The following TATDN2 variants were observed in gnomAD, a reference collection of about 807,000 sequenced individuals.
TATDN2 encodes TatD DNase domain containing 2, also known as 3'-5' RNA nuclease TATDN2.
TATDN2 carries 44 observed loss-of-function variants against 60.3 expected under a neutral mutation model. The observed-to-expected ratio is 0.73, with a 90% CI of 0.57 to 0.94. TATDN2 has a LOEUF of 0.94. TATDN2 is among the 40% of genes least tolerant of loss of function. TATDN2 has a pLI of 0.00. For synonymous variants in TATDN2, 399 were observed against 355.8 expected (o/e 1.12, Z -1.37); for missense variants, 997 against 948.0 (o/e 1.05, Z -0.68).
chr3:10,278,665 C>T lies in TATDN2; in HGVS notation c.2145+203C>T. ...TGAAGGGTAACCACTCTCTTCCAGG[C>T]AGTGCAAAGCCCTACCCTGTAGAGG... is the stretch of plus-strand genomic sequence containing the variant. On this transcript the variant is annotated intron_variant, in intron 6 of 7. Coordinates refer to ENST00000448281, the MANE Select transcript of TATDN2 (RefSeq NM_014760.4). The surrounding 1 kb of genome is among the most constrained non-coding windows in gnomAD (Gnocchi z 4.7). The T allele has an allele frequency of 1.0e-6, 1 of 966,166 alleles. No individual in the cohort carries two copies. The highest frequency in any genetic ancestry group is 1.6e-6 in the Non-Finnish European group (1 of 624,224). The allele number at this position is 966,166 out of a possible 1,614,324, so 59.8% of individuals were successfully genotyped here.
chr3:10,257,119 A>T (rs1261430184), intron 2 of TATDN2, among the ~76,000 whole-genome samples: 3 of 118,968 alleles, frequency 2.5e-5, no homozygotes, highest in Admixed American at 1.5e-4. Context: ...TCTACTAAAA[A>T]TACCAAAAAA....
At position 10,270,315 on chromosome 3, in the gene TATDN2, C is replaced by T; in HGVS notation, c.1133C>T (p.Pro378Leu). The change falls in exon 4 of 8, where the codon CCT (proline) becomes CTT (leucine). Residue 378 changes from proline (P) to leucine (L), a missense_variant. Pro to Leu is a moderately conservative substitution (Grantham distance 98). Coordinates refer to ENST00000448281, the MANE Select transcript of TATDN2 (RefSeq NM_014760.4). ...TACCCTCCTCATTTGTACAGTAGTC[C>T]TTGGTGTGACTACGCCAGCTATTGG... ...VMYPPHLYSS[P>L]WCDYASYWTS... is the part of the protein sequence containing the mutation. 1 of 1,614,170 alleles carries T rather than the reference C, an allele frequency of 6.2e-7. No individual in the cohort carries two copies. The highest frequency in any genetic ancestry group is 8.5e-7 in the Non-Finnish European group (1 of 1,180,034).
At chr3:10,249,748 C>T (rs1157933285) in intron 2 of TATDN2, 134 bp downstream of exon 2, 7 of 1,080,148 alleles carry the variant, frequency 6.5e-6, no homozygotes, top group Non-Finnish European at 8.5e-6. Context: ...TCTAGAAGTC[C>T]ACTCCCCCCA....
In TATDN2 at chr3:10,265,895, A is replaced by G. The variant is rs557837582; in HGVS notation, c.949-4236A>G. Among the ~76,000 whole-genome samples, 33 of 151,698 alleles carry G rather than the reference A, an allele frequency of 2.2e-4. No homozygotes were observed. The South Asian group carries it at 5.0e-3, about 23-fold the overall frequency. ...TCTTGACAGACTTCAGCTAATTCCT[A>G]TTTTCATCTGCGGCTTCACCCTCAC... On this transcript the variant is annotated intron_variant, in intron 3 of 7. Coordinates refer to ENST00000448281, the MANE Select transcript of TATDN2 (RefSeq NM_014760.4).
In TATDN2 at chr3:10,249,389, G is replaced by A. The variant is rs1237979368; in HGVS notation, c.189G>A (p.Val63=). Residue 63 remains valine, a synonymous_variant, in exon 2 of 8, where the codon GTG becomes GTA. Coordinates refer to ENST00000448281, the MANE Select transcript of TATDN2 (RefSeq NM_014760.4). ...TGAAAGCCCAGAAGGAGGACGATGT[G>A]GCTTGCTCGCGGAGGTTATCCTGGG... The part of the protein sequence containing the change: ...KRLKAQKEDD[V]ACSRRLSWGS... 2 of 1,613,240 alleles carry A rather than the reference G, an allele frequency of 1.2e-6. No homozygotes were observed. Among genetic ancestry groups the A allele is most frequent in the Admixed American group, 1.7e-5 (1 of 59,948 alleles).
chr3:10,270,706 G>A lies in TATDN2; in HGVS notation c.1524G>A (p.Lys508=). Residue 508 remains lysine (K), a synonymous_variant, in exon 4 of 8, where the codon AAG becomes AAA. Transcript: ENST00000448281. ...THCHLDMLYS[K]LSFQGTFTKF... ...GTCACCTGGACATGCTCTATTCCAA[G>A]CTATCTTTCCAAGGGACCTTTACAA... 6.2e-7 allele frequency: 1 copy of A among 1,614,218 alleles called. No individual in the cohort carries two copies. The highest frequency in any genetic ancestry group is 1.1e-5 in the South Asian group (1 of 91,090).
Position 10,251,854 on chromosome 3 carries a change from A to AT in TATDN2, c.414+2240_414+2241insT, listed in dbSNP as rs1698236321. The stretch of plus-strand genomic sequence containing the variant: ...GTGCCACCACACCCTGCAGATTAAA[A>AT]ATTTTTTTTTTGGGCTGGGCGTGGT... On this transcript the variant is annotated intron_variant, in intron 2 of 7. Coordinates refer to ENST00000448281, the MANE Select transcript of TATDN2 (RefSeq NM_014760.4). Among the ~76,000 whole-genome samples the AT allele has an allele frequency of 4.8e-5, 5 of 103,508 alleles. No individual in the cohort carries two copies. The East Asian group carries it at 3.8e-3, about 80-fold the overall frequency. The allele number at this position is 103,508 out of a possible 152,430, so 67.9% of individuals were successfully genotyped here. A position where few individuals can be genotyped will look rare whatever the true frequency, so the allele number is the denominator to read the frequency against.
intron 2 of TATDN2, among the ~76,000 whole-genome samples, chr3:10,252,240 T>A (rs1372471019): frequency 6.7e-6 from 1 of 148,384 alleles, no homozygotes; most frequent in Non-Finnish European, 1.5e-5. Context: ...GCTCAAGCTG[T>A]CCTCTTGCCT....
chr3:10,276,520 A>G, intron 5 of TATDN2, 32 bp downstream of exon 5: 1 of 1,607,746 alleles, frequency 6.2e-7, no homozygotes, highest in Non-Finnish European at 8.5e-7. Flanking sequence ...CGGGCAAATG[A>G]AAGAAACACT....
intron 2 of TATDN2, among the ~76,000 whole-genome samples, chr3:10,257,164 C>T (rs1698319525): frequency 1.3e-5 from 2 of 151,500 alleles, no homozygotes; most frequent in Admixed American, 1.3e-4. Flanking sequence ...TGCCTGTAAT[C>T]CCAGCTACTT....
chr3:10,277,497 A>G (rs1287894446), intron 5 of TATDN2, among the ~76,000 whole-genome samples: 1 of 152,116 alleles, frequency 6.6e-6, no homozygotes, highest in Non-Finnish European at 1.5e-5. Flanking sequence ...CTCCTTAAAG[A>G]TGGTTGAGAG....
rs1384698276 is a variant in TATDN2, at chr3:10,278,623, C to T, written c.2145+161C>T. The T allele has an allele frequency of 9.2e-7, 1 of 1,086,882 alleles. No individual in the cohort carries two copies. Among genetic ancestry groups the T allele is most frequent in the Non-Finnish European group, 1.4e-6 (1 of 725,560 alleles). The allele number at this position is 1,086,882 out of a possible 1,614,324, so 67.3% of individuals were successfully genotyped here. A position where few individuals can be genotyped will look rare whatever the true frequency, so the allele number is the denominator to read the frequency against. ...GCTGTTACTCTGCAGAACCAAAAGTCTAGGGGGCTGAGAAGCTGAAGGGTA... is the reference window on the plus strand; with the variant it reads ...GCTGTTACTCTGCAGAACCAAAAGTTTAGGGGGCTGAGAAGCTGAAGGGTA... On this transcript the variant is annotated intron_variant, in intron 6 of 7. Coordinates refer to ENST00000448281, the MANE Select transcript of TATDN2 (RefSeq NM_014760.4). This position sits in a 1 kb window ranked among gnomAD's most constrained non-coding sequence, Gnocchi z 4.7.
At chr3:10,274,160 A>G (rs1196557161) in intron 4 of TATDN2, among the ~76,000 whole-genome samples, 3 of 152,144 alleles carry the variant, frequency 2.0e-5, no homozygotes, top group Non-Finnish European at 4.4e-5. Flanking sequence ...GTTCCTGGTG[A>G]GGACAAATGC....
chr3:10,263,617 T>A (rs1698438056), intron 3 of TATDN2, among the ~76,000 whole-genome samples: 1 of 152,232 alleles, frequency 6.6e-6, no homozygotes, highest in Admixed American at 6.5e-5. Flanking sequence ...TCTTTTGTTT[T>A]TTAATAACAT....
intron 4 of TATDN2, among the ~76,000 whole-genome samples, chr3:10,271,832 G>A (rs995176334): frequency 1.3e-5 from 2 of 151,236 alleles, no homozygotes; most frequent in Admixed American, 6.6e-5. Flanking sequence ...GGGTTCAAGC[G>A]ATTCTCCTGC....
chr3:10,257,841 ATTTTTTT>A (rs553265148), intron 2 of TATDN2, among the ~76,000 whole-genome samples: 775 of 30,220 alleles, frequency 0.026, 3 homozygotes, highest in Non-Finnish European at 0.044. Flanking sequence ...AAGGTTTATG[ATTTTTTT>A]TTTTTTTTTT....
At chr3:10,255,263 C>G (rs115946673) in intron 2 of TATDN2, among the ~76,000 whole-genome samples, 2,144 of 152,072 alleles carry the variant, frequency 0.014, 44 homozygotes, top group African/African-American at 0.049. Context: ...ATCTGCCTGC[C>G]TCAGCCTCCC....
intron 4 of TATDN2, among the ~76,000 whole-genome samples, chr3:10,275,313 G>C (rs533928964): frequency 2.0e-5 from 3 of 152,266 alleles, no homozygotes; most frequent in African/African-American, 4.8e-5. Flanking sequence ...ACCTGGGCTC[G>C]TTAGAGGAAA....
At chr3:10,265,310 C>T (rs1698461744) in intron 3 of TATDN2, among the ~76,000 whole-genome samples, 1 of 150,536 alleles carries the variant, frequency 6.6e-6, no homozygotes, top group Non-Finnish European at 1.5e-5. Flanking sequence ...CTCCTGACCT[C>T]AGGTGATCCA....
Sources: allele counts gnomAD v4.1 joint callset (sites outside exome capture counted in the v4.1 genomes callset), GRCh38; gene constraint gnomAD v4.1.1; non-coding constraint Gnocchi (gnomAD v3.1); transcripts MANE v1.5; gene names NCBI Gene and HGNC (gene_info 2026-07-23, HGNC 2026-07-21).